CNTN3: variants seen among roughly 807,000 people sequenced by gnomAD.
CNTN3 encodes contactin 3, also known as contactin-3.
Under a neutral mutation model 119.1 loss-of-function variants are expected in CNTN3, and 60 were observed. The ratio of observed to expected loss-of-function variants is 0.50; its 90% confidence interval spans 0.41 to 0.62. The LOEUF is 0.62. Among genes scored for constraint, CNTN3 ranks in the 20% least tolerant of loss-of-function variants. CNTN3 has a pLI of 0.00. For synonymous variants in CNTN3, 450 were observed against 438.7 expected, an observed-to-expected ratio of 1.03 and a Z score of -0.32; for missense variants, 1,101 against 1,242.4, an observed-to-expected ratio of 0.89 and a Z score of 1.71.
intron 1 of CNTN3, among the ~76,000 whole-genome samples, chr3:74,521,996 G>A (rs1575806041): frequency 6.6e-6 from 1 of 151,878 alleles, no homozygotes; most frequent in East Asian, 2.0e-4. Flanking sequence ...TAAGGAACGG[G>A]TACAACTCTC....
At chr3:74,444,884 T>C (rs1208981240) in intron 4 of CNTN3, among the ~76,000 whole-genome samples, 1 of 152,030 alleles carries the variant, frequency 6.6e-6, no homozygotes, top group Non-Finnish European at 1.5e-5. Flanking sequence ...GATTAGAAAA[T>C]AGGAAATATA....
chr3:74,439,532 C>A (rs1701926870), intron 4 of CNTN3, among the ~76,000 whole-genome samples: 1 of 151,922 alleles, frequency 6.6e-6, no homozygotes, highest in Admixed American at 6.6e-5. Flanking sequence ...TTATATGATA[C>A]TAAAAAAATC....
intron 13 of CNTN3, among the ~76,000 whole-genome samples, chr3:74,312,124 A>G (rs1702698775): frequency 6.6e-6 from 1 of 152,048 alleles, no homozygotes; most frequent in African/African-American, 2.4e-5. Flanking sequence ...AAAACAGACC[A>G]TTTTGAGATA....
intron 4 of CNTN3, among the ~76,000 whole-genome samples, chr3:74,470,273 C>T (rs752909163): frequency 2.6e-5 from 4 of 152,084 alleles, no homozygotes; most frequent in Non-Finnish European, 5.9e-5. Context: ...GATGGCTGCA[C>T]AACTCTGTGA....
At chr3:74,436,469 T>C (rs1314669650) in intron 4 of CNTN3, among the ~76,000 whole-genome samples, 2 of 152,184 alleles carry the variant, frequency 1.3e-5, no homozygotes, top group African/African-American at 4.8e-5. Context: ...AACAGAATGC[T>C]TGTGCCTGGT....
Position 74,313,345 on chromosome 3 carries a change from A to T in CNTN3, c.1669-10538T>A, listed in dbSNP as rs558582360. 7.0e-4 allele frequency among the ~76,000 whole-genome samples: 106 copies of T among 152,196 alleles called. 2 individuals carry two copies. The highest frequency in any genetic ancestry group is 6.2e-4 in the Non-Finnish European group (42 of 68,026). ...GGGAGCACAGAGAACACCAAGTAGA[A>T]TATATGCCCCCAAGAAAACAGAAAG... On this transcript the variant is annotated intron_variant, in intron 13 of 22. Coordinates refer to ENST00000263665, the MANE Select transcript of CNTN3 (RefSeq NM_020872.3).
intron 22 of CNTN3, 74 bp from the exon 23 acceptor site, chr3:74,264,575 T>C: frequency 1.1e-6 from 1 of 922,500 alleles, no homozygotes; most frequent in South Asian, 1.8e-5. Flanking sequence ...GACTGGATAT[T>C]TGTGGTGTTC....
At chr3:74,366,366 A>G (rs1345937279) in intron 8 of CNTN3, among the ~76,000 whole-genome samples, 2 of 152,034 alleles carry the variant, frequency 1.3e-5, no homozygotes, top group East Asian at 3.9e-4. Context: ...AATCAAATGG[A>G]TTTATCATTT....
chr3:74,295,391 T>C (rs1263096569), intron 18 of CNTN3, among the ~76,000 whole-genome samples, 155 bp from the exon 19 acceptor site: 2 of 152,246 alleles, frequency 1.3e-5, no homozygotes, highest in African/African-American at 4.8e-5. Context: ...CACTGGTCCA[T>C]TTCCGTTTCT....
At chr3:74,294,121 C>A (rs923464362) in intron 19 of CNTN3, among the ~76,000 whole-genome samples, 4 of 152,104 alleles carry the variant, frequency 2.6e-5, no homozygotes, top group African/African-American at 9.7e-5. Context: ...CCTGTGTAAG[C>A]CTGCCACTGA....
At chr3:74,462,953 T>G (rs1008923729) in intron 4 of CNTN3, among the ~76,000 whole-genome samples, 1 of 152,188 alleles carries the variant, frequency 6.6e-6, no homozygotes, top group Non-Finnish European at 1.5e-5. Context: ...TTCCACAATT[T>G]CTTCAAATTC....
At chr3:74,556,609 A>G (rs543221586) in intron 1 of CNTN3, among the ~76,000 whole-genome samples, 2 of 152,180 alleles carry the variant, frequency 1.3e-5, no homozygotes, top group East Asian at 3.9e-4. Flanking sequence ...TTTGTGTACA[A>G]GTTTTTGCAT....
At chr3:74,454,812 T>TTTCC (rs1702234536) in intron 4 of CNTN3, among the ~76,000 whole-genome samples, 1 of 151,406 alleles carries the variant, frequency 6.6e-6, no homozygotes, top group Admixed American at 6.6e-5. Context: ...TTGAAAATTC[T>TTTCC]TTTAAGAATG....
chr3:74,340,056 C>T (rs1030078262), intron 11 of CNTN3, among the ~76,000 whole-genome samples: 4 of 151,922 alleles, frequency 2.6e-5, no homozygotes, highest in Non-Finnish European at 5.9e-5. Context: ...TAAAAAAGTA[C>T]AAGTGACAGA....
chr3:74,262,655 A>T lies in CNTN3; in HGVS notation c.*1746T>A, dbSNP rs1266135712. ...ACACAGGAATTGAAAGATAAATTTT[A>T]TACTTTTCAATATGAAACAAAGTGC... On this transcript the variant is annotated 3_prime_UTR_variant, in exon 23 of 23. Coordinates refer to ENST00000263665, the MANE Select transcript of CNTN3 (RefSeq NM_020872.3). 1 of 152,620 alleles carries T rather than the reference A, an allele frequency of 6.6e-6. No individual in the cohort carries two copies. Among genetic ancestry groups the T allele is most frequent in the Non-Finnish European group, 1.5e-5 (1 of 68,024 alleles). 9.5% of individuals were successfully genotyped at this position (152,620 alleles called of 1,614,324 possible).
rs146595959 is a variant in CNTN3, at chr3:74,511,009, T to C, written c.55+10049A>G. 1.3e-3 allele frequency among the ~76,000 whole-genome samples: 204 copies of C among 152,234 alleles called. 2 individuals are homozygous for C. The highest frequency in any genetic ancestry group is 4.5e-3 in the African/African-American group (188 of 41,562). On this transcript the variant is annotated intron_variant, in intron 2 of 22. Transcript: ENST00000263665. ...CATATGATACGTATATGACCTATCA[T>C]AGATACTGGGAATTTAGGTTTGCAG... is the stretch of plus-strand genomic sequence containing the variant.
chr3:74,372,965 T>C (rs1704377883), intron 5 of CNTN3, among the ~76,000 whole-genome samples: 1 of 152,166 alleles, frequency 6.6e-6, no homozygotes, highest in African/African-American at 2.4e-5. Flanking sequence ...ACGATGCAAA[T>C]GCAAATGCTT....
chr3:74,351,968 A>G (rs1703826508), intron 11 of CNTN3, among the ~76,000 whole-genome samples: 1 of 152,198 alleles, frequency 6.6e-6, no homozygotes, highest in South Asian at 2.1e-4. Context: ...CAGGTCAGGA[A>G]GGAAGCTGTG....
At chr3:74,585,659 T>G (rs933818681) in intron 1 of CNTN3, among the ~76,000 whole-genome samples, 4 of 152,132 alleles carry the variant, frequency 2.6e-5, no homozygotes, top group African/African-American at 7.2e-5. Flanking sequence ...AGTAAGTATA[T>G]ATACACTTTT....
Sources: allele counts gnomAD v4.1 joint callset (sites outside exome capture counted in the v4.1 genomes callset), GRCh38; gene constraint gnomAD v4.1.1; transcripts MANE v1.5; gene names NCBI Gene and HGNC (gene_info 2026-07-23, HGNC 2026-07-21).